TMEM62: variants seen among roughly 807,000 people sequenced by gnomAD.
TMEM62 encodes transmembrane protein 62.
A neutral mutation model predicts 70.4 loss-of-function variants in TMEM62; 41 were observed. That is an observed-to-expected ratio of 0.58 (90% CI 0.45 to 0.76). The LOEUF is 0.76. TMEM62 is among the 30% of genes least tolerant of loss of function. The pLI is 0.00. For synonymous variants in TMEM62, 268 were observed against 291.0 expected (o/e 0.92, Z 0.80); for missense variants, 688 against 788.5 (o/e 0.87, Z 1.53).
chr15:43,154,658 T>G lies in TMEM62; in HGVS notation c.1023-14T>G. On this transcript the variant is annotated splice_polypyrimidine_tract_variant and intron_variant, in intron 8 of 13. Transcript: ENST00000260403. Reference sequence around the variant, plus strand: ...AACCTCAAACCATGTGTTTTATATATGCTCTCATTTTAGAGTCTTGGCCTT... The same window carrying G: ...AACCTCAAACCATGTGTTTTATATAGGCTCTCATTTTAGAGTCTTGGCCTT... The G allele has an allele frequency of 6.3e-7, 1 of 1,592,906 alleles. No homozygotes were observed. Among genetic ancestry groups the G allele is most frequent in the African/African-American group, 1.4e-5 (1 of 73,670 alleles).
chr15:43,134,297 G>C lies in TMEM62; in HGVS notation c.221G>C (p.Arg74Thr). The change falls in exon 2 of 14, where the codon AGA (arginine) becomes ACA (threonine). Residue 74 changes from arginine to threonine, a missense_variant. Arg to Thr is a moderately conservative substitution (Grantham distance 71). Coordinates refer to ENST00000260403, the MANE Select transcript of TMEM62 (RefSeq NM_024956.4). The stretch of plus-strand genomic sequence containing the variant: ...CTGAGCAGGTTTCGAGATCCAGGCA[G>C]AGCGGTAGACTTAGAGAAATTCTGT... The part of the protein sequence containing the change: ...IHLSRFRDPG[R>T]AVDLEKFCSE... The C allele has an allele frequency of 6.2e-7, 1 of 1,614,212 alleles. No homozygotes were observed. Among genetic ancestry groups the C allele is most frequent in the South Asian group, 1.1e-5 (1 of 91,072 alleles).
chr15:43,148,687 T>C (rs537134377), intron 5 of TMEM62, 68 bp from the exon 6 acceptor site: 2 of 1,555,618 alleles, frequency 1.3e-6, no homozygotes, highest in Non-Finnish European at 1.7e-6. Context: ...AGGAGTTTTC[T>C]AATCTGTTGA....
At chr15:43,182,002 C>T (rs2041377758) in intron 13 of TMEM62, among the ~76,000 whole-genome samples, 1 of 152,030 alleles carries the variant, frequency 6.6e-6, no homozygotes, top group Admixed American at 6.5e-5. Context: ...AAAATAGACA[C>T]ATTAAAAAAA....
At chr15:43,145,208 T>A (rs1183271769) in intron 4 of TMEM62, among the ~76,000 whole-genome samples, 4 of 146,696 alleles carry the variant, frequency 2.7e-5, no homozygotes, top group Non-Finnish European at 6.0e-5. Flanking sequence ...ATAGAATTTT[T>A]TTTTTTTTTT....
At chr15:43,154,960 G>C (rs1408609767) in intron 9 of TMEM62, 129 bp downstream of exon 9, 9 of 810,660 alleles carry the variant, frequency 1.1e-5, no homozygotes, top group Non-Finnish European at 1.7e-5. Context: ...GGGCATGGTG[G>C]CTCACGCCTG....
intron 3 of TMEM62, among the ~76,000 whole-genome samples, chr15:43,136,513 C>T (rs143211271): frequency 5.9e-5 from 9 of 152,068 alleles, no homozygotes; most frequent in African/African-American, 2.2e-4. Context: ...AGTGCAATCT[C>T]AGCTCACTGC....
At chr15:43,145,610 T>A (rs1366997355) in intron 4 of TMEM62, among the ~76,000 whole-genome samples, 1 of 152,220 alleles carries the variant, frequency 6.6e-6, no homozygotes, top group Non-Finnish European at 1.5e-5. Flanking sequence ...AATGTCTATA[T>A]CATATATTTA....
intron 3 of TMEM62, among the ~76,000 whole-genome samples, chr15:43,137,419 G>C (rs139625535): frequency 1.6e-4 from 24 of 152,338 alleles, no homozygotes; most frequent in African/African-American, 5.5e-4. Context: ...TAAGTTTCTA[G>C]ATAATCTGAA....
rs7165696 is a variant in TMEM62 at position 43,146,693 on chromosome 15, G to A, written c.618+59G>A. The A allele has an allele frequency of 1.9e-3, 2,657 of 1,434,252 alleles. 46 individuals carry two copies. In the African/African-American group the frequency reaches 0.032, roughly 17 times the overall value. 88.8% of individuals were successfully genotyped at this position (1,434,252 alleles called of 1,614,324 possible). ...ACTTATTTTTTCATGGATACGTGTG[G>A]ATCACTTAAAGTTATCAAAAGTAAA... On this transcript the variant is annotated intron_variant, in intron 5 of 13. Transcript: ENST00000260403.
chr15:43,160,400 T>C, intron 9 of TMEM62: 1 of 245,604 alleles, frequency 4.1e-6, no homozygotes, highest in Non-Finnish European at 7.7e-6. Context: ...TAAATTTAAA[T>C]ATTAGCCAGG....
intron 8 of TMEM62, among the ~76,000 whole-genome samples, chr15:43,153,606 C>T (rs2037667474): frequency 6.6e-6 from 1 of 152,070 alleles, no homozygotes; most frequent in African/African-American, 2.4e-5. Context: ...CATGTTGTGG[C>T]ATATGTCAGA....
intron 9 of TMEM62, among the ~76,000 whole-genome samples, chr15:43,157,338 C>T (rs1596281116): frequency 6.6e-6 from 1 of 152,180 alleles, no homozygotes; most frequent in Admixed American, 6.5e-5. Context: ...TTCTGATGTC[C>T]ACTAAAGTAT....
intron 11 of TMEM62, among the ~76,000 whole-genome samples, chr15:43,172,704 A>C (rs886892424): frequency 1.3e-5 from 2 of 152,214 alleles, no homozygotes; most frequent in Non-Finnish European, 2.9e-5. Context: ...ACAAATTTAA[A>C]ATCAGGTATT....
At chr15:43,152,061 C>A in intron 8 of TMEM62, 116 bp downstream of exon 8, 1 of 619,412 alleles carries the variant, frequency 1.6e-6, no homozygotes, top group Non-Finnish European at 2.6e-6. Flanking sequence ...TTCTCAACAA[C>A]CTAAACATTA....
At chr15:43,140,340 C>T (rs997555525) in intron 4 of TMEM62, among the ~76,000 whole-genome samples, 25 of 152,164 alleles carry the variant, frequency 1.6e-4, no homozygotes, top group African/African-American at 6.0e-4. Context: ...CTCCTTCTGC[C>T]CAAAATTCTC....
Position 43,149,136 on chromosome 15 carries a change from G to A in TMEM62, c.851G>A (p.Trp284Ter). 6.2e-7 allele frequency: 1 copy of A among 1,614,012 alleles called. No homozygotes were observed. The highest frequency in any genetic ancestry group is 8.5e-7 in the Non-Finnish European group (1 of 1,179,982). ...QGTLELEVGD[W>*]KDNRRYRIFA... ...ACTTTGGAACTTGAGGTGGGAGACTGGAAGGATAATAGGAGGTAAGGGAAC... is the reference window on the plus strand; with the variant it reads ...ACTTTGGAACTTGAGGTGGGAGACTAGAAGGATAATAGGAGGTAAGGGAAC... Residue 284 changes from tryptophan (W) to a stop codon, truncating the protein, a stop_gained, in exon 7 of 14, where the codon TGG (tryptophan) becomes TAG (stop). Coordinates refer to ENST00000260403, the MANE Select transcript of TMEM62 (RefSeq NM_024956.4). LOFTEE classifies it high-confidence loss of function.
intron 7 of TMEM62, among the ~76,000 whole-genome samples, chr15:43,151,456 A>C (rs996812350): frequency 6.6e-6 from 1 of 152,208 alleles, no homozygotes; most frequent in Admixed American, 6.5e-5. Flanking sequence ...GTTATAATAA[A>C]TATTTTAGGT....
Position 43,154,941 on chromosome 15 carries a change from C to A in TMEM62, c.1182+110C>A. On this transcript the variant is annotated intron_variant, in intron 9 of 13. Coordinates refer to ENST00000260403, the MANE Select transcript of TMEM62 (RefSeq NM_024956.4). ...TAATGAAACCATGTTTAAAAAAAAA[C>A]TGGGGGCCGGGCATGGTGGCTCACG... The A allele has an allele frequency of 3.9e-6, 4 of 1,026,908 alleles. No homozygotes were observed. The East Asian group carries it at 8.2e-5, about 21-fold the overall frequency. 63.6% of individuals were successfully genotyped at this position (1,026,908 alleles called of 1,614,324 possible).
chr15:43,133,453 A>G (rs2034673225), upstream of TMEM62: 1 of 226,072 alleles, frequency 4.4e-6, no homozygotes, highest in Non-Finnish European at 8.6e-6. Context: ...AGGCGGAGCC[A>G]GGACTCTAGC....
Sources: gnomAD v4.1 joint callset for allele counts (sites outside exome capture counted in the v4.1 genomes callset) on GRCh38, gnomAD v4.1.1 for gene constraint, MANE v1.5 for transcripts, NCBI Gene and HGNC (gene_info 2026-07-23, HGNC 2026-07-21) for gene names.